Variants in SUDS3 observed in about 807,000 individuals in gnomAD.
SUDS3 encodes the protein SIN3A corepressor complex component SDS3.
Under a neutral mutation model 53.5 loss-of-function variants are expected in SUDS3, and 23 were observed. The ratio of observed to expected loss-of-function variants is 0.43; its 90% confidence interval spans 0.31 to 0.61. SUDS3 has a LOEUF of 0.61. Ranked by LOEUF, SUDS3 falls within the 20% of genes least tolerant of loss-of-function variation. The pLI, the probability that SUDS3 is intolerant of heterozygous loss-of-function variation, is 0.10. For synonymous variants in SUDS3, 150 were observed against 148.5 expected, an observed-to-expected ratio of 1.01 and a Z score of -0.08; for missense variants, 291 against 405.9, an observed-to-expected ratio of 0.72 and a Z score of 2.43.
Position 118,411,069 on chromosome 12 carries a change from T to G in SUDS3, c.804-4T>G. ...TTTAAAAATGTGTGCCTTGTTTTTG[T>G]CAGGTACCACAAGAGCCAGGCCATC... On this transcript the variant is annotated splice_polypyrimidine_tract_variant and splice_region_variant and intron_variant, in intron 10 of 11. Coordinates refer to ENST00000543473, the MANE Select transcript of SUDS3 (RefSeq NM_022491.3). 1 of 1,602,408 alleles carries G rather than the reference T, an allele frequency of 6.2e-7. No individual in the cohort carries two copies. The highest frequency in any genetic ancestry group is 8.5e-7 in the Non-Finnish European group (1 of 1,174,296).
chr12:118,400,652 G>T lies in SUDS3; in HGVS notation c.518-7G>T. On this transcript the variant is annotated splice_polypyrimidine_tract_variant and splice_region_variant and intron_variant, in intron 6 of 11. Transcript: ENST00000543473. Reference sequence around the variant, plus strand: ...GGATAGATTTACCCATTCCATTCTTGCCACAGATTCTATGGAGGTGAAACC... The same window carrying T: ...GGATAGATTTACCCATTCCATTCTTTCCACAGATTCTATGGAGGTGAAACC... 6.2e-7 allele frequency: 1 copy of T among 1,613,630 alleles called. No individual in the cohort carries two copies. The highest frequency in any genetic ancestry group is 8.5e-7 in the Non-Finnish European group (1 of 1,179,646).
In SUDS3 at chr12:118,400,718, G is replaced by C; in HGVS notation, c.577G>C (p.Val193Leu). The C allele has an allele frequency of 6.2e-7, 1 of 1,613,848 alleles. No homozygotes were observed. The highest frequency in any genetic ancestry group is 8.5e-7 in the Non-Finnish European group (1 of 1,179,856). The change falls in exon 7 of 12, where the codon GTC becomes CTC. Residue 193 changes from valine to leucine, a missense_variant. Around this residue, in one of 4 missense-constraint regions of SUDS3, gnomAD observed 55 missense variants for 124.2 expected, o/e 0.44. Coordinates refer to ENST00000543473, the MANE Select transcript of SUDS3 (RefSeq NM_022491.3). ...GTTGCGGAGGCGACCAAATGATCCC[G>C]TCCCCATCCCAGACAAGAGGAGGAA... Reference protein sequence around the residue: ...RKLRRRPNDPVPIPDKRRKPA... With the variant: ...RKLRRRPNDPLPIPDKRRKPA...
At chr12:118,406,509 T>C (rs986351609) in intron 10 of SUDS3, among the ~76,000 whole-genome samples, 11 of 152,228 alleles carry the variant, frequency 7.2e-5, no homozygotes, top group Non-Finnish European at 1.3e-4. Context: ...AGTACAGTAG[T>C]GGTAATTTCT....
intron 6 of SUDS3, among the ~76,000 whole-genome samples, chr12:118,396,783 A>G (rs1202802985): frequency 6.6e-6 from 1 of 152,192 alleles, no homozygotes; most frequent in Non-Finnish European, 1.5e-5. Context: ...GCAGGTAATT[A>G]ATTTATCAAG....
chr12:118,386,959 A>G (rs2046120358), intron 4 of SUDS3, among the ~76,000 whole-genome samples: 1 of 152,208 alleles, frequency 6.6e-6, no homozygotes, highest in African/African-American at 2.4e-5. Flanking sequence ...GTGCCAGCAG[A>G]GTCCTTGTTC....
chr12:118,376,982 C>A, intron 1 of SUDS3, 149 bp downstream of exon 1: 2 of 1,085,784 alleles, frequency 1.8e-6, no homozygotes, highest in Non-Finnish European at 2.5e-6. Flanking sequence ...GGGGAAGTTA[C>A]CCCCATCCGT....
intron 2 of SUDS3, among the ~76,000 whole-genome samples, chr12:118,382,238 G>T (rs2046071937): frequency 6.6e-6 from 1 of 151,960 alleles, no homozygotes. Context: ...AGTAGAGACG[G>T]GGTTTCACCA....
At chr12:118,385,269 C>T (rs75383613) in intron 3 of SUDS3, among the ~76,000 whole-genome samples, 3,366 of 152,158 alleles carry the variant, frequency 0.022, 157 homozygotes, top group Admixed American at 0.11. Context: ...CCACCAGGCC[C>T]GGCTAATTTT....
At chr12:118,413,647 T>C (rs1339126521) in intron 11 of SUDS3, among the ~76,000 whole-genome samples, 1 of 152,130 alleles carries the variant, frequency 6.6e-6, no homozygotes, top group East Asian at 1.9e-4. Context: ...GAGTGCACTT[T>C]GTCAGCCCTG....
intron 4 of SUDS3, among the ~76,000 whole-genome samples, chr12:118,388,435 CCT>C (rs1406211699): frequency 1.3e-5 from 2 of 152,116 alleles, no homozygotes; most frequent in African/African-American, 2.4e-5. Context: ...CGCACAGCCC[CCT>C]GTCACCCAGG....
intron 10 of SUDS3, among the ~76,000 whole-genome samples, chr12:118,406,455 C>T (rs962383137): frequency 1.3e-5 from 2 of 152,130 alleles, no homozygotes; most frequent in Non-Finnish European, 2.9e-5. Context: ...ACCTCCTCGC[C>T]CCACTTTTGT....
At chr12:118,407,899 AT>A (rs2046322358) in intron 10 of SUDS3, among the ~76,000 whole-genome samples, 1 of 134,726 alleles carries the variant, frequency 7.4e-6, no homozygotes, top group South Asian at 2.4e-4. Flanking sequence ...TTTGTATTTT[AT>A]TTATTTATTT....
chr12:118,390,888 T>C, intron 5 of SUDS3: 1 of 578,294 alleles, frequency 1.7e-6, no homozygotes, highest in Non-Finnish European at 3.3e-6. Flanking sequence ...AAATATAGGA[T>C]GTGGAAGCGA....
At chr12:118,399,456 C>T (rs138702342) in intron 6 of SUDS3, among the ~76,000 whole-genome samples, 3 of 152,078 alleles carry the variant, frequency 2.0e-5, no homozygotes, top group Admixed American at 1.3e-4. Context: ...GAATGAAGAT[C>T]GTGCCACTGC....
chr12:118,390,493 T>G (rs2046155822), intron 5 of SUDS3, among the ~76,000 whole-genome samples: 1 of 152,170 alleles, frequency 6.6e-6, no homozygotes, highest in Non-Finnish European at 1.5e-5. Context: ...TCATGGTTTT[T>G]CAGAGCCACA....
chr12:118,390,629 A>G (rs970291870), intron 5 of SUDS3, among the ~76,000 whole-genome samples: 1 of 152,156 alleles, frequency 6.6e-6, no homozygotes, highest in South Asian at 2.1e-4. Flanking sequence ...ATAGGCCCCT[A>G]TGTCAGTCAC....
intron 10 of SUDS3, among the ~76,000 whole-genome samples, chr12:118,408,810 G>A (rs1566210185): frequency 6.6e-6 from 1 of 152,026 alleles, no homozygotes; most frequent in Admixed American, 6.6e-5. Flanking sequence ...ATGACTTGAG[G>A]GTAGTTGCAT....
At chr12:118,408,254 G>A (rs1202597941) in intron 10 of SUDS3, among the ~76,000 whole-genome samples, 3 of 151,108 alleles carry the variant, frequency 2.0e-5, no homozygotes, top group Admixed American at 1.3e-4. Flanking sequence ...GGCTGGTCTC[G>A]AACCCCTGAG....
chr12:118,387,757 G>A (rs1352537329), intron 4 of SUDS3, among the ~76,000 whole-genome samples: 1 of 152,098 alleles, frequency 6.6e-6, no homozygotes, highest in Non-Finnish European at 1.5e-5. Flanking sequence ...CACCATGTTG[G>A]CCAGGCTGCT....
Sources: gnomAD v4.1 joint callset for allele counts (sites outside exome capture counted in the v4.1 genomes callset) on GRCh38, gnomAD v4.1.1 for gene constraint, gnomAD v4.1.1 regional missense constraint, MANE v1.5 for transcripts, NCBI Gene and HGNC (gene_info 2026-07-23, HGNC 2026-07-21) for gene names.